TTC14: variants seen among roughly 807,000 people sequenced by gnomAD.
TTC14 encodes tetratricopeptide repeat protein 14.
In TTC14, 63 loss-of-function variants were observed where a neutral mutation model predicts 79.9. The observed-to-expected ratio is 0.79, with a 90% CI of 0.64 to 0.97. The LOEUF (loss-of-function observed/expected upper bound fraction) is 0.97. Among genes scored for constraint, TTC14 ranks in the 50% least tolerant of loss-of-function variants. TTC14 has a pLI of 0.00. For missense variants in TTC14, 895 were observed against 894.0 expected, an observed-to-expected ratio of 1.00 and a Z score of -0.01; for synonymous variants, 335 against 309.6, an observed-to-expected ratio of 1.08 and a Z score of -0.86.
rs1293274402 is a variant in TTC14, at chr3:180,606,755, A to T, written c.1172+152A>T. ...GGAAAGTACAAGAGATTAGGCAAAT[A>T]CTCTTTTCCTAGATAATATACTCAA... is the stretch of plus-strand genomic sequence containing the variant. On this transcript the variant is annotated intron_variant, in intron 9 of 11. Coordinates refer to ENST00000296015, the MANE Select transcript of TTC14 (RefSeq NM_133462.4). 26 of 968,340 alleles carry T rather than the reference A, an allele frequency of 2.7e-5. No homozygotes were observed. In the South Asian group the frequency reaches 5.9e-4, roughly 22 times the overall value. The allele number at this position is 968,340 out of a possible 1,614,324, so 60.0% of individuals were successfully genotyped here.
At chr3:180,616,688 T>C (rs746421549) in intron 12 of TTC14, 1 of 1,588,548 alleles carries the variant, frequency 6.3e-7, no homozygotes, top group Non-Finnish European at 8.6e-7. Flanking sequence ...CTTTGTGAGT[T>C]TTGCACACTG....
chr3:180,606,372 TG>T lies in TTC14; in HGVS notation c.1049+1del. On this transcript the variant is annotated splice_donor_variant, in intron 8 of 11. Coordinates refer to ENST00000296015, the MANE Select transcript of TTC14 (RefSeq NM_133462.4). LOFTEE classifies it high-confidence loss of function. The stretch of plus-strand genomic sequence containing the variant: ...GAAGCTTTGGTAGCTCGTGGAGCAT[TG>T]TAAGTGAATCATACATGGATTTTAA... 1 of 1,614,008 alleles carries T rather than the reference TG, an allele frequency of 6.2e-7. No homozygotes were observed.
At chr3:180,606,818 A>G (rs1435038217) in intron 9 of TTC14, among the ~76,000 whole-genome samples, 3 of 152,202 alleles carry the variant, frequency 2.0e-5, no homozygotes, top group African/African-American at 7.2e-5. Flanking sequence ...TTGTGTAGTC[A>G]TTCCTGTTTG....
At chr3:180,615,534 A>T (rs541148567), downstream of TTC14, among the ~76,000 whole-genome samples, 17 of 152,246 alleles carry the variant, frequency 1.1e-4, no homozygotes, top group South Asian at 2.3e-3. Flanking sequence ...ATAATTCTGA[A>T]AAAAGTTTTA....
In TTC14 at chr3:180,604,841, A is replaced by C; in HGVS notation, c.702-11A>C. 6.3e-7 allele frequency: 1 copy of C among 1,587,976 alleles called. No homozygotes were observed. Among genetic ancestry groups the C allele is most frequent in the Non-Finnish European group, 8.5e-7 (1 of 1,170,240 alleles). On this transcript the variant is annotated splice_polypyrimidine_tract_variant and intron_variant, in intron 5 of 11. Coordinates refer to ENST00000296015, the MANE Select transcript of TTC14 (RefSeq NM_133462.4). ...GTCATTTTACAATTTTTGTGTTTGT[A>C]TTTTTTTAAGGAGAAGTGTTGAGCT...
downstream of TTC14, among the ~76,000 whole-genome samples, chr3:180,613,487 A>G (rs1177588352): frequency 1.3e-5 from 2 of 152,218 alleles, no homozygotes; most frequent in Non-Finnish European, 2.9e-5. Context: ...CTCAGTAAGT[A>G]GAAGTTATAT....
At chr3:180,616,876 T>A in intron 12 of TTC14, 1 of 1,600,004 alleles carries the variant, frequency 6.2e-7, no homozygotes, top group Non-Finnish European at 8.6e-7. Context: ...GTTTCTTTAC[T>A]TAGTTGAAAT....
exon 13 of TTC14, chr3:180,617,735 T>C: frequency 5.3e-6 from 2 of 375,820 alleles, no homozygotes. Context: ...TAAAAAAATT[T>C]TACAAAATTA....
At chr3:180,615,811 A>G (rs1295220186), downstream of TTC14, among the ~76,000 whole-genome samples, 2 of 152,136 alleles carry the variant, frequency 1.3e-5, no homozygotes, top group South Asian at 2.1e-4. Context: ...AGAAAAAAAA[A>G]GGGGTTTCCT....
chr3:180,608,289 G>T (rs1716803558), intron 10 of TTC14: 1 of 986,716 alleles, frequency 1.0e-6, no homozygotes, highest in African/African-American at 1.8e-5. Flanking sequence ...TTTGAACATG[G>T]TGATTCCTCC....
chr3:180,602,729 T>G (rs1716438430), intron 1 of TTC14, 162 bp from the exon 2 acceptor site: 5 of 840,888 alleles, frequency 5.9e-6, no homozygotes, highest in Non-Finnish European at 8.8e-6. Flanking sequence ...CACCTCCAGG[T>G]TGGTTAATGA....
rs1716682717 is a variant in TTC14 at position 180,606,313 on chromosome 3, C to A, written c.990C>A (p.Tyr330Ter). ...GCCATGTGGATGCTATGAATGAATA[C>A]AATAAAGCTTTGGAAATAGACAAAC... ...VGRHVDAMNE[Y>*]NKALEIDKQN... Residue 330 changes from tyrosine (Y) to a stop codon, truncating the protein, a stop_gained, in exon 8 of 12, where the codon TAC becomes TAA. Transcript: ENST00000296015. LOFTEE classifies it high-confidence loss of function. 1 of 1,614,036 alleles carries A rather than the reference C, an allele frequency of 6.2e-7. No homozygotes were observed. Among genetic ancestry groups the A allele is most frequent in the East Asian group, 2.2e-5 (1 of 44,860 alleles).
rs1045153164 is a variant in TTC14 at position 180,606,473 on chromosome 3, G to A, written c.1050-8G>A. ...ATACAGCCCTCTATCTTTGTTTCATGTCTCTAGATATGCGACAAAAGGAAG... is the reference window on the plus strand; with the variant it reads ...ATACAGCCCTCTATCTTTGTTTCATATCTCTAGATATGCGACAAAAGGAAG... On this transcript the variant is annotated splice_region_variant and splice_polypyrimidine_tract_variant and intron_variant, in intron 8 of 11. Transcript: ENST00000296015. The A allele has an allele frequency of 6.2e-7, 1 of 1,613,472 alleles. No homozygotes were observed. The highest frequency in any genetic ancestry group is 8.5e-7 in the Non-Finnish European group (1 of 1,179,808).
chr3:180,613,896 T>G (rs1477137302), downstream of TTC14: 1 of 454,614 alleles, frequency 2.2e-6, no homozygotes, highest in Non-Finnish European at 4.4e-6. Context: ...TCAGGAGAAC[T>G]ATTCACTACC....
chr3:180,604,276 T>G lies in TTC14; in HGVS notation c.538T>G (p.Leu180Val), dbSNP rs767789865. The change falls in exon 4 of 12, where the codon TTA (leucine) becomes GTA (valine). Residue 180 changes from leucine to valine, a missense_variant. By Grantham distance (32) the Leu-to-Val change is conservative. Coordinates refer to ENST00000296015, the MANE Select transcript of TTC14 (RefSeq NM_133462.4). Reference protein sequence around the residue: ...VPSHSNHGDPLSYYQTGDIIR... With the variant: ...VPSHSNHGDPVSYYQTGDIIR... ...TTCTCACAGTAACCATGGGGATCCT[T>G]TATCATATTACCAAACTGGTGACAT... 6.2e-7 allele frequency: 1 copy of G among 1,613,638 alleles called. No homozygotes were observed. Among genetic ancestry groups the G allele is most frequent in the Admixed American group, 1.7e-5 (1 of 60,018 alleles).
At chr3:180,611,227 C>T (rs1245490471), downstream of TTC14, 11 of 909,572 alleles carry the variant, frequency 1.2e-5, no homozygotes, top group Admixed American at 1.9e-4. Context: ...TACCTCATTG[C>T]TAGCATAGCC....
In TTC14 at chr3:180,605,840, A is replaced by G; in HGVS notation, c.929+3A>G. 1.3e-6 allele frequency: 2 copies of G among 1,578,220 alleles called. No homozygotes were observed. Among genetic ancestry groups the G allele is most frequent in the East Asian group, 4.6e-5 (2 of 43,424 alleles). On this transcript the variant is annotated splice_donor_region_variant and intron_variant, in intron 7 of 11. Transcript: ENST00000296015. ...TCCGCATCTTGGGCTTTAAAATGGT[A>G]TGAAGACTGTCTTTCAACAATTGCA...
downstream of TTC14, among the ~76,000 whole-genome samples, chr3:180,612,658 G>A (rs1361598636): frequency 1.3e-5 from 2 of 150,772 alleles, no homozygotes; most frequent in Non-Finnish European, 2.9e-5. Context: ...GATCGCTTGA[G>A]CCCAGGAGTT....
chr3:180,613,158 A>C (rs564373382), downstream of TTC14, among the ~76,000 whole-genome samples: 60 of 152,356 alleles, frequency 3.9e-4, 1 homozygote, highest in African/African-American at 1.4e-3. Context: ...TATTAAGCAG[A>C]GTATACAAAC....
Sources: gnomAD v4.1 joint callset for allele counts (sites outside exome capture counted in the v4.1 genomes callset) on GRCh38, gnomAD v4.1.1 for gene constraint, MANE v1.5 for transcripts, NCBI Gene and HGNC (gene_info 2026-07-23, HGNC 2026-07-21) for gene names.